The following SYN3 variants were observed in gnomAD, a reference collection of about 807,000 sequenced individuals.
The protein encoded by SYN3 is synapsin-3.
Under a neutral mutation model 65.8 loss-of-function variants are expected in SYN3, and 35 were observed. The observed-to-expected ratio is 0.53, with a 90% CI of 0.41 to 0.70. SYN3 has a LOEUF of 0.70. Ranked by LOEUF, SYN3 falls within the 30% of genes least tolerant of loss-of-function variation. The pLI is 0.00. For missense variants in SYN3, 680 were observed against 749.0 expected, an observed-to-expected ratio of 0.91 and a Z score of 1.08; for synonymous variants, 270 against 292.9, an observed-to-expected ratio of 0.92 and a Z score of 0.80.
intron 6 of SYN3, among the ~76,000 whole-genome samples, chr22:32,848,171 T>G (rs2048122284): frequency 6.6e-6 from 1 of 152,228 alleles, no homozygotes; most frequent in South Asian, 2.1e-4. Context: ...AAAAGTCAAG[T>G]CCTCTCCTCT....
At chr22:32,623,713 G>A (rs1259981358) in intron 6 of SYN3, among the ~76,000 whole-genome samples, 1 of 152,206 alleles carries the variant, frequency 6.6e-6, no homozygotes, top group Non-Finnish European at 1.5e-5. Flanking sequence ...ATGAGATGTT[G>A]TGGATACAGT....
At chr22:32,924,440 C>T (rs1418312409) in intron 4 of SYN3, among the ~76,000 whole-genome samples, 1 of 152,226 alleles carries the variant, frequency 6.6e-6, no homozygotes, top group Non-Finnish European at 1.5e-5. Flanking sequence ...TTTAGCTATA[C>T]TGGCACTGTC....
rs114672393 is a variant in SYN3, at chr22:33,049,671, G to A, written c.-163+8621C>T. Among the ~76,000 whole-genome samples the A allele has an allele frequency of 2.9e-3, 434 of 152,226 alleles. 5 individuals are homozygous for A. Among genetic ancestry groups the A allele is most frequent in the African/African-American group, 1.0e-2 (414 of 41,528 alleles). The stretch of plus-strand genomic sequence containing the variant: ...CGCTCTGGAAGCATGCCTCTTAGTC[G>A]GGAAGACAAAGAACAAAAACCACAC... On this transcript the variant is annotated intron_variant, in intron 1 of 13. Coordinates refer to ENST00000358763, the MANE Select transcript of SYN3 (RefSeq NM_003490.4).
intron 6 of SYN3, among the ~76,000 whole-genome samples, chr22:32,759,049 G>A (rs2045378455): frequency 6.6e-6 from 1 of 152,046 alleles, no homozygotes; most frequent in Admixed American, 6.6e-5. Context: ...TTACTCATAA[G>A]ATTATATCCC....
intron 1 of SYN3, among the ~76,000 whole-genome samples, chr22:33,020,998 A>G (rs1007146635): frequency 1.3e-5 from 2 of 152,238 alleles, no homozygotes; most frequent in Admixed American, 6.5e-5. Flanking sequence ...TGCTTGGCAC[A>G]TGGTAAACAA....
At chr22:32,686,713 A>C (rs1200599232) in intron 6 of SYN3, among the ~76,000 whole-genome samples, 1 of 146,006 alleles carries the variant, frequency 6.8e-6, no homozygotes, top group Admixed American at 7.2e-5. Flanking sequence ...CTCCTACCTC[A>C]GTCTCCAAAG....
intron 6 of SYN3, among the ~76,000 whole-genome samples, chr22:32,773,517 T>G (rs1208737450): frequency 6.6e-6 from 1 of 151,610 alleles, no homozygotes; most frequent in African/African-American, 2.4e-5. Flanking sequence ...CAGATCCTCC[T>G]CTTTCTCAAA....
chr22:32,874,946 C>T (rs2048944772), intron 4 of SYN3, among the ~76,000 whole-genome samples: 1 of 152,210 alleles, frequency 6.6e-6, no homozygotes, highest in Non-Finnish European at 1.5e-5. Flanking sequence ...GAATTCAAAA[C>T]ATTGAAACAA....
rs1037086566 is a variant in SYN3, at chr22:32,962,641, G to C, written c.369+18004C>G. On this transcript the variant is annotated intron_variant, in intron 3 of 13. Transcript: ENST00000358763. ...CAGCTTGGGAGCCAGACGGAAGCCA[G>C]ACAGACAGGAGTTCAAATCCTGGCT... Among the ~76,000 whole-genome samples, 9 of 152,164 alleles carry C rather than the reference G, an allele frequency of 5.9e-5. No homozygotes were observed. The East Asian group carries it at 1.5e-3, about 26-fold the overall frequency.
intron 6 of SYN3, among the ~76,000 whole-genome samples, chr22:32,853,996 C>T (rs755868698): frequency 3.3e-5 from 5 of 152,144 alleles, no homozygotes; most frequent in African/African-American, 4.8e-5. Flanking sequence ...GATTAGATTA[C>T]CTTTAACATC....
At chr22:32,938,195 C>T (rs540561091) in intron 3 of SYN3, among the ~76,000 whole-genome samples, 1 of 152,172 alleles carries the variant, frequency 6.6e-6, no homozygotes, top group South Asian at 2.1e-4. Flanking sequence ...AAATAGAAAA[C>T]CAGAAGATAG....
At chr22:32,753,560 C>T (rs527301784) in intron 6 of SYN3, among the ~76,000 whole-genome samples, 26 of 152,368 alleles carry the variant, frequency 1.7e-4, no homozygotes, top group Admixed American at 1.5e-3. Context: ...TGGCTCCCCA[C>T]GTTTCACAGG....
intron 6 of SYN3, among the ~76,000 whole-genome samples, chr22:32,834,520 C>T (rs1034821078): frequency 6.6e-6 from 1 of 152,158 alleles, no homozygotes; most frequent in Non-Finnish European, 1.5e-5. Context: ...GTGTCACATG[C>T]AGCCACTGGT....
intron 3 of SYN3, among the ~76,000 whole-genome samples, chr22:32,970,329 A>C (rs1190872815): frequency 6.6e-6 from 1 of 152,056 alleles, no homozygotes; most frequent in African/African-American, 2.4e-5. Context: ...AAGCTATTAT[A>C]CTATCCAGAC....
chr22:32,565,522 A>G (rs964445019), intron 7 of SYN3, among the ~76,000 whole-genome samples: 8 of 149,600 alleles, frequency 5.3e-5, no homozygotes, highest in Admixed American at 2.0e-4. Flanking sequence ...ATATAAATAT[A>G]TAAGTATATA....
At chr22:32,673,234 G>A (rs1363008536) in intron 6 of SYN3, among the ~76,000 whole-genome samples, 1 of 152,174 alleles carries the variant, frequency 6.6e-6, no homozygotes, top group African/African-American at 2.4e-5. Flanking sequence ...TGGAGCTGTG[G>A]GGAAGAGGGA....
intron 3 of SYN3, among the ~76,000 whole-genome samples, chr22:32,955,475 G>C (rs1442264936): frequency 6.6e-6 from 1 of 152,096 alleles, no homozygotes; most frequent in Non-Finnish European, 1.5e-5. Flanking sequence ...CCCAGGCAAA[G>C]GCCTTGATGC....
At chr22:32,646,442 G>A (rs563958988) in intron 6 of SYN3, among the ~76,000 whole-genome samples, 1 of 152,300 alleles carries the variant, frequency 6.6e-6, no homozygotes, top group Admixed American at 6.5e-5. Flanking sequence ...CTGGGAAGGT[G>A]GATGGAGAAC....
chr22:32,991,300 T>A (rs1212134560), intron 2 of SYN3, among the ~76,000 whole-genome samples: 1 of 150,984 alleles, frequency 6.6e-6, no homozygotes, highest in African/African-American at 2.4e-5. Flanking sequence ...CTTGCACCAC[T>A]GCACTCCAGC....
Sources: gnomAD v4.1 joint callset for allele counts (sites outside exome capture counted in the v4.1 genomes callset) on GRCh38, gnomAD v4.1.1 for gene constraint, MANE v1.5 for transcripts, NCBI Gene and HGNC (gene_info 2026-07-23, HGNC 2026-07-21) for gene names.